The following GRID2 variants were observed in gnomAD, a reference collection of about 807,000 sequenced individuals.
GRID2 encodes glutamate ionotropic receptor delta type subunit 2, also known as glutamate receptor ionotropic, delta-2.
A neutral mutation model predicts 114.8 loss-of-function variants in GRID2; 33 were observed. That is an observed-to-expected ratio of 0.29 (90% CI 0.22 to 0.38). The LOEUF is 0.38. Among genes scored for constraint, GRID2 ranks in the 10% least tolerant of loss-of-function variants. GRID2 has a pLI of 1.00. For synonymous variants in GRID2, 505 were observed against 449.9 expected (o/e 1.12, Z -1.55); for missense variants, 1,184 against 1,257.7 (o/e 0.94, Z 0.89).
intron 1 of GRID2, among the ~76,000 whole-genome samples, chr4:92,345,160 C>T (rs1292761227): frequency 6.6e-6 from 1 of 152,120 alleles, no homozygotes; most frequent in African/African-American, 2.4e-5. Context: ...ACCCGAGCTA[C>T]TTCACTTAGA....
intron 13 of GRID2, among the ~76,000 whole-genome samples, chr4:93,590,777 T>C (rs1007045434): frequency 2.0e-4 from 30 of 151,866 alleles, no homozygotes; most frequent in African/African-American, 6.5e-4. Context: ...TCACATCCCT[T>C]GTAAGTTGGA....
chr4:93,722,354 C>A (rs1446385212), intron 14 of GRID2, among the ~76,000 whole-genome samples: 1 of 152,112 alleles, frequency 6.6e-6, no homozygotes, highest in East Asian at 1.9e-4. Flanking sequence ...GGAAATTATT[C>A]AGAATCATAT....
At chr4:92,600,677 C>T (rs1352946621) in intron 2 of GRID2, among the ~76,000 whole-genome samples, 1 of 152,158 alleles carries the variant, frequency 6.6e-6, no homozygotes, top group East Asian at 1.9e-4. Context: ...CCACTTCAGA[C>T]CCTATTCACT....
At chr4:93,026,206 T>C (rs776493057) in intron 2 of GRID2, among the ~76,000 whole-genome samples, 5 of 151,840 alleles carry the variant, frequency 3.3e-5, no homozygotes, top group Non-Finnish European at 7.4e-5. Flanking sequence ...CTTGGAATTA[T>C]GGTCTCAGTT....
intron 2 of GRID2, among the ~76,000 whole-genome samples, chr4:92,959,478 C>G (rs761137579): frequency 6.6e-6 from 1 of 151,640 alleles, no homozygotes; most frequent in Non-Finnish European, 1.5e-5. Context: ...TGTAATGCCC[C>G]GTAACCTTCA....
At chr4:92,641,689 A>T (rs1731361449) in intron 2 of GRID2, among the ~76,000 whole-genome samples, 2 of 151,660 alleles carry the variant, frequency 1.3e-5, no homozygotes, top group African/African-American at 4.8e-5. Context: ...TTTTATTTTC[A>T]ATACAGGGGG....
At chr4:93,489,610 G>A (rs1216790309) in intron 11 of GRID2, among the ~76,000 whole-genome samples, 1 of 151,854 alleles carries the variant, frequency 6.6e-6, no homozygotes, top group Non-Finnish European at 1.5e-5. Context: ...CAGTAGTAGA[G>A]TCAAAGATGT....
chr4:92,683,683 C>A (rs1464919614), intron 2 of GRID2, among the ~76,000 whole-genome samples: 1 of 150,660 alleles, frequency 6.6e-6, no homozygotes, highest in Non-Finnish European at 1.5e-5. Context: ...TAAAAAAATA[C>A]ATCAAAGCAA....
At chr4:92,612,533 T>C (rs775096828) in intron 2 of GRID2, among the ~76,000 whole-genome samples, 2 of 151,446 alleles carry the variant, frequency 1.3e-5, no homozygotes, top group Non-Finnish European at 3.0e-5. Flanking sequence ...TATAAATCAA[T>C]TTGGGGATGA....
intron 13 of GRID2, among the ~76,000 whole-genome samples, chr4:93,597,768 C>A (rs1203223137): frequency 6.6e-6 from 1 of 152,182 alleles, no homozygotes; most frequent in African/African-American, 2.4e-5. Flanking sequence ...CCAAATATTT[C>A]TTTCTGCCTC....
At chr4:93,017,898 T>C (rs1465722516) in intron 2 of GRID2, among the ~76,000 whole-genome samples, 90 of 149,718 alleles carry the variant, frequency 6.0e-4, no homozygotes, top group Non-Finnish European at 1.1e-3. Context: ...TTTTTTTTTT[T>C]TTTACTCCTA....
chr4:92,866,974 C>T (rs949577082), intron 2 of GRID2, among the ~76,000 whole-genome samples: 31 of 152,242 alleles, frequency 2.0e-4, no homozygotes, highest in Admixed American at 4.6e-4. Context: ...ATGGCTCATT[C>T]AATGAAGCTT....
At chr4:93,506,978 A>G (rs1007911241) in intron 12 of GRID2, among the ~76,000 whole-genome samples, 1 of 152,170 alleles carries the variant, frequency 6.6e-6, no homozygotes, top group Non-Finnish European at 1.5e-5. Flanking sequence ...CACCGTGAGG[A>G]ATACTTTTAG....
intron 2 of GRID2, among the ~76,000 whole-genome samples, chr4:92,937,676 G>A (rs2149529914): frequency 6.8e-6 from 1 of 146,340 alleles, no homozygotes; most frequent in East Asian, 2.2e-4. Flanking sequence ...TTAGCTTTGG[G>A]GCTCCTTGCC....
intron 14 of GRID2, among the ~76,000 whole-genome samples, chr4:93,634,351 G>A (rs935542250): frequency 6.6e-6 from 1 of 152,122 alleles, no homozygotes; most frequent in Non-Finnish European, 1.5e-5. Flanking sequence ...AAAGGATGAT[G>A]AGAAGGAACA....
intron 13 of GRID2, among the ~76,000 whole-genome samples, chr4:93,615,722 T>C (rs1741569335): frequency 6.6e-6 from 1 of 152,138 alleles, no homozygotes; most frequent in Admixed American, 6.5e-5. Flanking sequence ...ATTTTTTATT[T>C]TTATTGTTTC....
chr4:93,251,586 G>A (rs1260511316), intron 8 of GRID2, among the ~76,000 whole-genome samples: 1 of 152,086 alleles, frequency 6.6e-6, no homozygotes, highest in South Asian at 2.1e-4. Flanking sequence ...AGGGTTTGTT[G>A]TACAGATTAT....
chr4:93,058,611 A>G (rs1727488127), intron 2 of GRID2, among the ~76,000 whole-genome samples: 1 of 151,934 alleles, frequency 6.6e-6, no homozygotes. Flanking sequence ...TCACTGTTTA[A>G]GGTAGAATAC....
Position 92,338,299 on chromosome 4 carries a change from A to C in GRID2, c.88+33555A>C, listed in dbSNP as rs74387261. Among the ~76,000 whole-genome samples, 881 of 152,314 alleles carry C rather than the reference A, an allele frequency of 5.8e-3. 2 individuals carry two copies. The highest frequency in any genetic ancestry group is 0.02 in the African/African-American group (852 of 41,568). On this transcript the variant is annotated intron_variant, in intron 1 of 15. Coordinates refer to ENST00000282020, the MANE Select transcript of GRID2 (RefSeq NM_001510.4). ...AGACGGATTGTACCTATACCATAAA[A>C]TAACTTAAATTTTAAACTTTATAGA... is the stretch of plus-strand genomic sequence containing the variant.
Sources: gnomAD v4.1 joint callset for allele counts (sites outside exome capture counted in the v4.1 genomes callset) on GRCh38, gnomAD v4.1.1 for gene constraint, MANE v1.5 for transcripts, NCBI Gene and HGNC (gene_info 2026-07-23, HGNC 2026-07-21) for gene names.